VPS16: variants seen among roughly 807,000 people sequenced by gnomAD.
VPS16 encodes vacuolar protein sorting-associated protein 16 homolog.
In VPS16, 82 loss-of-function variants were observed where a neutral mutation model predicts 116.0. That is an observed-to-expected ratio of 0.71 (90% CI 0.59 to 0.85). VPS16 has a LOEUF of 0.85. Ranked by LOEUF, VPS16 falls within the 40% of genes least tolerant of loss-of-function variation. The pLI is 0.00. For missense variants in VPS16, 928 were observed against 1,090.6 expected (o/e 0.85, Z 2.10); for synonymous variants, 406 against 420.7 (o/e 0.96, Z 0.43).
chr20:2,854,917 ATC>A (rs1436334470), intron 1 of VPS16, among the ~76,000 whole-genome samples: 22 of 41,946 alleles, frequency 5.2e-4, no homozygotes, highest in African/African-American at 1.5e-3. Context: ...GTACATCTCC[ATC>A]AGAGTTTTTG....
chr20:2,863,481 C>A lies in VPS16; in HGVS notation c.1476+83C>A. The A allele has an allele frequency of 7.2e-7, 1 of 1,394,838 alleles. No individual in the cohort carries two copies. Among genetic ancestry groups the A allele is most frequent in the Non-Finnish European group, 1.0e-6 (1 of 994,400 alleles). The allele number at this position is 1,394,838 out of a possible 1,614,324, so 86.4% of individuals were successfully genotyped here. Reference sequence around the variant, plus strand: ...GGAGGAAATAGAAAGTGTAGAACTGCGCTGGGCACGGTGGCTCATGCCTGT... The same window carrying A: ...GGAGGAAATAGAAAGTGTAGAACTGAGCTGGGCACGGTGGCTCATGCCTGT... On this transcript the variant is annotated intron_variant, in intron 15 of 23. Coordinates refer to ENST00000380445, the MANE Select transcript of VPS16 (RefSeq NM_022575.4). This position sits in a 1 kb window ranked among gnomAD's most constrained non-coding sequence, Gnocchi z 4.4.
At chr20:2,844,129 G>A (rs942021115) in intron 1 of VPS16, among the ~76,000 whole-genome samples, 2 of 152,164 alleles carry the variant, frequency 1.3e-5, no homozygotes, top group African/African-American at 4.8e-5. Context: ...AAAAAATAGG[G>A]TTTTGGGGGC....
At chr20:2,856,716 G>T (rs988366665) in intron 1 of VPS16, among the ~76,000 whole-genome samples, 1 of 152,110 alleles carries the variant, frequency 6.6e-6, no homozygotes, top group Non-Finnish European at 1.5e-5. Context: ...CCATAGTCTC[G>T]TTTCAAGTAT....
At chr20:2,853,741 C>G (rs951979442) in intron 1 of VPS16, among the ~76,000 whole-genome samples, 1 of 152,020 alleles carries the variant, frequency 6.6e-6, no homozygotes, top group Non-Finnish European at 1.5e-5. Context: ...GGCATGATCT[C>G]GGCTCACTGC....
intron 1 of VPS16, among the ~76,000 whole-genome samples, chr20:2,842,817 T>G (rs12481625): frequency 0.18 from 203 of 1,112 alleles, 5 homozygotes; most frequent in African/African-American, 0.31. Context: ...TGTATCTATC[T>G]ATAGATAGAC....
At position 2,864,329 on chromosome 20, in the gene VPS16, T is replaced by C. The variant is rs1358957965; in HGVS notation, c.1721-36T>C. ...GGGGCCCCTGGGCTAAGTGGGAGCC[T>C]GGCTGGAATTCCCACTCCACCTTAC... On this transcript the variant is annotated intron_variant, in intron 17 of 23. Transcript: ENST00000380445. This position sits in a 1 kb window ranked among gnomAD's most constrained non-coding sequence, Gnocchi z 5.2. The C allele has an allele frequency of 2.5e-6, 4 of 1,613,978 alleles. No homozygotes were observed. Among genetic ancestry groups the C allele is most frequent in the Non-Finnish European group, 3.4e-6 (4 of 1,179,928 alleles).
In VPS16 at chr20:2,865,131, A is replaced by G. The variant is rs1265182954; in HGVS notation, c.2005-17A>G. ...TGGTCCCTCATCCCCATCATGCCTCATTATCCGGGTCCCCAGGCTACAGAG... is the reference window on the plus strand; with the variant it reads ...TGGTCCCTCATCCCCATCATGCCTCGTTATCCGGGTCCCCAGGCTACAGAG... On this transcript the variant is annotated splice_polypyrimidine_tract_variant and intron_variant, in intron 20 of 23. Coordinates refer to ENST00000380445, the MANE Select transcript of VPS16 (RefSeq NM_022575.4). This position sits in a 1 kb window ranked among gnomAD's most constrained non-coding sequence, Gnocchi z 5.2. 2 of 1,613,902 alleles carry G rather than the reference A, an allele frequency of 1.2e-6. No homozygotes were observed. Among genetic ancestry groups the G allele is most frequent in the Admixed American group, 3.3e-5 (2 of 59,988 alleles).
At chr20:2,856,812 A>G (rs1025504662) in intron 1 of VPS16, among the ~76,000 whole-genome samples, 1 of 152,226 alleles carries the variant, frequency 6.6e-6, no homozygotes, top group East Asian at 1.9e-4. Context: ...CCATTGATCT[A>G]TTTGCACATT....
At chr20:2,849,277 A>G (rs114221701) in intron 1 of VPS16, among the ~76,000 whole-genome samples, 1,551 of 150,596 alleles carry the variant, frequency 0.01, 32 homozygotes, top group African/African-American at 0.035. Flanking sequence ...AGTAGCAGCT[A>G]TGTGGCTACA....
Position 2,866,726 on chromosome 20 carries a change from C to A in VPS16, c.*152C>A. 1 of 1,164,068 alleles carries A rather than the reference C, an allele frequency of 8.6e-7. No individual in the cohort carries two copies. Among genetic ancestry groups the A allele is most frequent in the Non-Finnish European group, 1.2e-6 (1 of 831,874 alleles). 72.1% of individuals were successfully genotyped at this position (1,164,068 alleles called of 1,614,324 possible). A position where few individuals can be genotyped will look rare whatever the true frequency, so the allele number is the denominator to read the frequency against. On this transcript the variant is annotated 3_prime_UTR_variant, in exon 24 of 24. Transcript: ENST00000380445. ...TGTCTGGTTTTAAATAAAGTTGGAACACTTCACAGTGCTTGTCTTACACAG... is the reference window on the plus strand; with the variant it reads ...TGTCTGGTTTTAAATAAAGTTGGAAAACTTCACAGTGCTTGTCTTACACAG...
chr20:2,847,291 G>A (rs939828270), intron 1 of VPS16, among the ~76,000 whole-genome samples: 4 of 151,910 alleles, frequency 2.6e-5, no homozygotes, highest in Non-Finnish European at 5.9e-5. Flanking sequence ...TTTAGCCCAC[G>A]GCCTCCTAGG....
chr20:2,855,495 C>T (rs889474360), intron 1 of VPS16, among the ~76,000 whole-genome samples: 28 of 105,734 alleles, frequency 2.6e-4, no homozygotes, highest in African/African-American at 1.7e-3. Context: ...CTGCATTAGG[C>T]CCCAACAAGA....
chr20:2,862,609 C>A lies in VPS16; in HGVS notation c.1102C>A (p.Arg368=). The change falls in exon 12 of 24, where the codon CGG becomes AGG. Residue 368 remains arginine, a synonymous_variant. Coordinates refer to ENST00000380445, the MANE Select transcript of VPS16 (RefSeq NM_022575.4). ...GAGCCAGAAGGCGGACGAGTACCTG[C>A]GGGAGATCCAGGAGCTGGGCCAGCT... The part of the protein sequence containing the change: ...KESQKADEYL[R]EIQELGQLTQ... The A allele has an allele frequency of 6.2e-7, 1 of 1,613,544 alleles. No individual in the cohort carries two copies. Among genetic ancestry groups the A allele is most frequent in the Non-Finnish European group, 8.5e-7 (1 of 1,179,936 alleles).
intron 12 of VPS16, 41 bp downstream of exon 12, chr20:2,862,751 G>T (rs1260543066): frequency 6.2e-7 from 1 of 1,610,974 alleles, no homozygotes; most frequent in Non-Finnish European, 8.5e-7. Flanking sequence ...GGGGCTGGGA[G>T]GGGGTGGGAT....
rs1447057637 is a variant in VPS16 at position 2,864,519 on chromosome 20, C to T, written c.1819-28C>T. On this transcript the variant is annotated intron_variant, in intron 18 of 23. Coordinates refer to ENST00000380445, the MANE Select transcript of VPS16 (RefSeq NM_022575.4). The surrounding 1 kb of genome is among the most constrained non-coding windows in gnomAD (Gnocchi z 5.2). ...CTTCTGAGCACTTGAGTTGGCCTTGCTGACTGATTGCCTGCCTGTGGCCCC... is the reference window on the plus strand; with the variant it reads ...CTTCTGAGCACTTGAGTTGGCCTTGTTGACTGATTGCCTGCCTGTGGCCCC... 8 of 1,613,964 alleles carry T rather than the reference C, an allele frequency of 5.0e-6. No homozygotes were observed. Among genetic ancestry groups the T allele is most frequent in the Non-Finnish European group, 6.8e-6 (8 of 1,179,982 alleles).
chr20:2,866,433 T>C lies in VPS16; in HGVS notation c.2379T>C (p.Asp793=), dbSNP rs750287372. The change falls in exon 24 of 24, where the codon GAT becomes GAC. Residue 793 remains aspartate (D), a synonymous_variant. Coordinates refer to ENST00000380445, the MANE Select transcript of VPS16 (RefSeq NM_022575.4). ...QKVKALLLVG[D]VAQAADVAIE... ...TCCTCTCTTGCTCAAACCACAGCGA[T>C]GTGGCTCAGGCTGCAGATGTGGCCA... 1.2e-6 allele frequency: 2 copies of C among 1,614,186 alleles called. No individual in the cohort carries two copies. The highest frequency in any genetic ancestry group is 1.7e-6 in the Non-Finnish European group (2 of 1,180,022).
In VPS16 at chr20:2,866,512, G is replaced by C. The variant is rs1273077494; in HGVS notation, c.2458G>C (p.Ala820Pro). ...LSLVLSHCTGATDGATADKIQ... is the reference protein window; with the variant it reads ...LSLVLSHCTGPTDGATADKIQ... ...CCTCGTATTGTCCCACTGCACGGGA[G>C]CCACAGATGGGGCCACAGCTGACAA... Residue 820 changes from alanine to proline, a missense_variant, in exon 24 of 24, where the codon GCC (alanine) becomes CCC (proline). Ala to Pro is a conservative substitution (Grantham distance 27). Transcript: ENST00000380445. The C allele has an allele frequency of 6.2e-7, 1 of 1,614,222 alleles. No homozygotes were observed. Among genetic ancestry groups the C allele is most frequent in the Non-Finnish European group, 8.5e-7 (1 of 1,180,040 alleles).
chr20:2,857,869 C>T (rs1256121812), intron 1 of VPS16, among the ~76,000 whole-genome samples: 1 of 151,472 alleles, frequency 6.6e-6, no homozygotes, highest in Non-Finnish European at 1.5e-5. Context: ...CACCACCACG[C>T]CTGGCTAATT....
At chr20:2,856,273 G>A (rs6051447) in intron 1 of VPS16, among the ~76,000 whole-genome samples, 77,798 of 152,018 alleles carry the variant, frequency 0.51, 22,701 homozygotes, top group African/African-American at 0.79. Flanking sequence ...TATCCGTTAA[G>A]CTCACCATCA....
Sources: gnomAD v4.1 joint callset for allele counts (sites outside exome capture counted in the v4.1 genomes callset) on GRCh38, gnomAD v4.1.1 for gene constraint, Gnocchi (gnomAD v3.1) non-coding constraint, MANE v1.5 for transcripts, NCBI Gene and HGNC (gene_info 2026-07-23, HGNC 2026-07-21) for gene names.